NRIP2: variants seen among roughly 807,000 people sequenced by gnomAD.
The protein encoded by NRIP2 is nuclear receptor interacting protein 2, also known as nuclear receptor-interacting protein 2.
A neutral mutation model predicts 34.1 loss-of-function variants in NRIP2; 27 were observed. The ratio of observed to expected loss-of-function variants is 0.79; its 90% confidence interval spans 0.58 to 1.09. The LOEUF is 1.09. Among genes scored for constraint, NRIP2 ranks in the 50% least tolerant of loss-of-function variants. The probability of loss-of-function intolerance (pLI) is 0.00; values close to 1 mark genes in which losing one functional copy is unlikely to be tolerated. For synonymous variants in NRIP2, 145 were observed against 146.9 expected, an observed-to-expected ratio of 0.99 and a Z score of 0.09; for missense variants, 385 against 352.6, an observed-to-expected ratio of 1.09 and a Z score of -0.74.
At chr12:2,830,669 G>A in intron 2 of NRIP2, 39 bp downstream of exon 2, 1 of 1,581,800 alleles carries the variant, frequency 6.3e-7, no homozygotes, top group Non-Finnish European at 8.6e-7. Flanking sequence ...AGTGCAGGCA[G>A]GGTTGTTAAT....
At chr12:2,832,478 T>C (rs2098008356) in intron 1 of NRIP2, among the ~76,000 whole-genome samples, 1 of 152,040 alleles carries the variant, frequency 6.6e-6, no homozygotes, top group African/African-American at 2.4e-5. Flanking sequence ...ACTGGATGAC[T>C]GGCTTAACAC....
In NRIP2 at chr12:2,825,791, C is replaced by G. The variant is rs972155701; in HGVS notation, c.*1416G>C. On this transcript the variant is annotated 3_prime_UTR_variant, in exon 6 of 6. Transcript: ENST00000337508. The stretch of plus-strand genomic sequence containing the variant: ...TTTTGTTTGTTTTTGGAGACAGGGT[C>G]TCACTCCTTCACCCAGGCTGGAGTC... The G allele has an allele frequency of 1.3e-5, 2 of 152,336 alleles. No individual in the cohort carries two copies. Among genetic ancestry groups the G allele is most frequent in the Non-Finnish European group, 2.9e-5 (2 of 68,192 alleles). 9.4% of individuals were successfully genotyped at this position (152,336 alleles called of 1,614,324 possible).
At position 2,827,724 on chromosome 12, in the gene NRIP2, T is replaced by C. The variant is rs372033094; in HGVS notation, c.701-47A>G. On this transcript the variant is annotated intron_variant, in intron 4 of 5. Transcript: ENST00000337508. The surrounding 1 kb of genome is among the most constrained non-coding windows in gnomAD (Gnocchi z 4.0). ...AGAAGAGGCTGAGGGTTCCCAGTGG[T>C]CACTGCTGCCCTCCTCTTAGCCGTT... is the stretch of plus-strand genomic sequence containing the variant. 5 of 1,613,000 alleles carry C rather than the reference T, an allele frequency of 3.1e-6. No homozygotes were observed. Among genetic ancestry groups the C allele is most frequent in the Non-Finnish European group, 4.2e-6 (5 of 1,179,964 alleles).
rs757834706 is a variant in NRIP2 at position 2,828,003 on chromosome 12, G to C, written c.623C>G (p.Pro208Arg). ...VLKASAGDLA[P>R]GPPTQVEQLE... ...CTGCTCCACCTGGGTTGGGGGCCCA[G>C]GGGCCAGGTCCCCAGCTGAGGCTTT... is the stretch of plus-strand genomic sequence containing the variant. Residue 208 changes from proline to arginine, a missense_variant, in exon 4 of 6, where the codon CCT (proline) becomes CGT (arginine). Pro to Arg is a moderately radical substitution (Grantham distance 103). Transcript: ENST00000337508. The C allele has an allele frequency of 5.0e-6, 8 of 1,614,062 alleles. No individual in the cohort carries two copies. The highest frequency in any genetic ancestry group is 1.7e-5 in the Admixed American group (1 of 60,008).
chr12:2,830,690 C>T lies in NRIP2; in HGVS notation c.495+18G>A. 2.5e-6 allele frequency: 4 copies of T among 1,599,534 alleles called. No homozygotes were observed. The highest frequency in any genetic ancestry group is 1.3e-5 in the African/African-American group (1 of 74,494). On this transcript the variant is annotated intron_variant, in intron 2 of 5. Transcript: ENST00000337508. The stretch of plus-strand genomic sequence containing the variant: ...GGCAGGGTTGTTAATGAAAGTGTGT[C>T]CCTGGGAGGCCTCTCACCTTGCAGT...
At chr12:2,830,525 C>T (rs1166057594) in intron 2 of NRIP2, 183 bp downstream of exon 2, 13 of 567,888 alleles carry the variant, frequency 2.3e-5, no homozygotes, top group African/African-American at 1.5e-4. Context: ...GGAGTTGCAC[C>T]GAGGAGACAT....
rs772857417 is a variant in NRIP2, at chr12:2,827,225, G to T, written c.828C>A (p.Tyr276Ter). ...ACAGCAGTCACTGGCCAGGCTCTTG[G>T]TACAAAGGCAGGAAGGGTAGCTCTG... Reference protein sequence around the residue: ...PFSELPFLPLYQEPGQ With the variant: ...PFSELPFLPL The change falls in exon 6 of 6, where the codon TAC (tyrosine) becomes TAA (stop). Residue 276 changes from tyrosine (Y) to a stop codon, truncating the protein, a stop_gained. Transcript: ENST00000337508. LOFTEE classifies it high-confidence loss of function. The surrounding 1 kb of genome is among the most constrained non-coding windows in gnomAD (Gnocchi z 4.0). 1 of 1,614,128 alleles carries T rather than the reference G, an allele frequency of 6.2e-7. No individual in the cohort carries two copies.
chr12:2,834,832 A>C lies in NRIP2; in HGVS notation c.152T>G (p.Met51Arg). ...TCTCCTGGCCTCCTGCTTGGTGCTC[A>C]TGGCCCCTGCTGGAGGAGTGGGCCA... is the stretch of plus-strand genomic sequence containing the variant. ...SPWPTPPAGAMSTKQEARRDE... is the reference protein window; with the variant it reads ...SPWPTPPAGARSTKQEARRDE... The change falls in exon 1 of 6, where the codon ATG (methionine) becomes AGG (arginine). Residue 51 changes from methionine to arginine, a missense_variant. Transcript: ENST00000337508. 1 of 1,613,020 alleles carries C rather than the reference A, an allele frequency of 6.2e-7. No individual in the cohort carries two copies. Among genetic ancestry groups the C allele is most frequent in the Non-Finnish European group, 8.5e-7 (1 of 1,179,752 alleles).
At chr12:2,828,254 C>T in intron 3 of NRIP2, 78 bp downstream of exon 3, 1 of 1,311,342 alleles carries the variant, frequency 7.6e-7, no homozygotes, top group Non-Finnish European at 1.1e-6. Flanking sequence ...ACTGTCGTCA[C>T]TATCTAATTT....
chr12:2,832,851 AC>A (rs1184774004), intron 1 of NRIP2, among the ~76,000 whole-genome samples: 2 of 149,460 alleles, frequency 1.3e-5, no homozygotes, highest in African/African-American at 5.0e-5. Flanking sequence ...TTGTTTTTCT[AC>A]CCTTAGATTA....
Position 2,827,169 on chromosome 12 carries a change from G to A in NRIP2, c.*38C>T, listed in dbSNP as rs772293491. Reference sequence around the variant, plus strand: ...TTCCCCACACGCCTCTTCTTCTAAGGCAAGGTCTTTCCCTCTGGGGACTGA... The same window carrying A: ...TTCCCCACACGCCTCTTCTTCTAAGACAAGGTCTTTCCCTCTGGGGACTGA... On this transcript the variant is annotated 3_prime_UTR_variant, in exon 6 of 6. Coordinates refer to ENST00000337508, the MANE Select transcript of NRIP2 (RefSeq NM_031474.3). This position sits in a 1 kb window ranked among gnomAD's most constrained non-coding sequence, Gnocchi z 4.0. 10 of 1,613,634 alleles carry A rather than the reference G, an allele frequency of 6.2e-6. 1 individual carries two copies. The South Asian group carries it at 1.1e-4, about 18-fold the overall frequency.
Position 2,827,552 on chromosome 12 carries a change from T to C in NRIP2, c.753+73A>G. 6.2e-7 allele frequency: 1 copy of C among 1,609,350 alleles called. No homozygotes were observed. The highest frequency in any genetic ancestry group is 8.5e-7 in the Non-Finnish European group (1 of 1,178,218). ...CTAAGTCACTCTCATCAGAACCTGG[T>C]CCAGGTTCCACACCTGTGCCTTCTA... On this transcript the variant is annotated intron_variant, in intron 5 of 5. Coordinates refer to ENST00000337508, the MANE Select transcript of NRIP2 (RefSeq NM_031474.3). The surrounding 1 kb of genome is among the most constrained non-coding windows in gnomAD (Gnocchi z 4.0).
chr12:2,834,774 C>G lies in NRIP2; in HGVS notation c.210G>C (p.Glu70Asp). 1 of 1,613,878 alleles carries G rather than the reference C, an allele frequency of 6.2e-7. No individual in the cohort carries two copies. Among genetic ancestry groups the G allele is most frequent in the South Asian group, 1.1e-5 (1 of 91,076 alleles). ...DEGEARTRGQ[E>D]AQLRDRAHLS... ...GGTGGGCTCGGTCTCGAAGCTGTGC[C>G]TCCTGCCCCCTCGTCCTGGCTTCTC... Residue 70 changes from glutamate to aspartate, a missense_variant, in exon 1 of 6, where the codon GAG becomes GAC. By Grantham distance (45) the Glu-to-Asp change is conservative. Transcript: ENST00000337508.
chr12:2,832,258 C>T (rs771173262), intron 1 of NRIP2, among the ~76,000 whole-genome samples: 6 of 152,064 alleles, frequency 3.9e-5, no homozygotes, highest in Non-Finnish European at 7.4e-5. Flanking sequence ...GACCCCCCAC[C>T]CTACCCCGCA....
Position 2,827,922 on chromosome 12 carries a change from T to C in NRIP2, c.700+4A>G. 1 of 1,613,998 alleles carries C rather than the reference T, an allele frequency of 6.2e-7. No homozygotes were observed. On this transcript the variant is annotated splice_donor_region_variant and intron_variant, in intron 4 of 5. Coordinates refer to ENST00000337508, the MANE Select transcript of NRIP2 (RefSeq NM_031474.3). This position sits in a 1 kb window ranked among gnomAD's most constrained non-coding sequence, Gnocchi z 4.0. ...CCAGGGCTGTTGCAGAAGGGGGGAC[T>C]TACCCACCACCTGTGCCGAGCACAC... is the stretch of plus-strand genomic sequence containing the variant.
In NRIP2 at chr12:2,827,503, A is replaced by C. The variant is rs139676087; in HGVS notation, c.753+122T>G. The C allele has an allele frequency of 3.0e-4, 470 of 1,561,844 alleles. 3 individuals are homozygous for C. The East Asian group carries it at 0.01, about 35-fold the overall frequency. On this transcript the variant is annotated intron_variant, in intron 5 of 5. Coordinates refer to ENST00000337508, the MANE Select transcript of NRIP2 (RefSeq NM_031474.3). This position sits in a 1 kb window ranked among gnomAD's most constrained non-coding sequence, Gnocchi z 4.0. Reference sequence around the variant, plus strand: ...GGTGGTAAGTAAGGAACCTCTAAGGAAGCAAAGGGACAGTTGCCCATCTCT... The same window carrying C: ...GGTGGTAAGTAAGGAACCTCTAAGGCAGCAAAGGGACAGTTGCCCATCTCT...
chr12:2,834,194 C>T (rs1033041695), intron 1 of NRIP2, among the ~76,000 whole-genome samples: 16 of 152,160 alleles, frequency 1.1e-4, no homozygotes, highest in African/African-American at 2.7e-4. Flanking sequence ...TGGAGACCCC[C>T]GATGTTTTGA....
chr12:2,832,321 C>A (rs2098007369), intron 1 of NRIP2, among the ~76,000 whole-genome samples: 1 of 152,024 alleles, frequency 6.6e-6, no homozygotes, highest in African/African-American at 2.4e-5. Flanking sequence ...GTCCACATGA[C>A]CGGGCCGTGC....
At position 2,826,928 on chromosome 12, in the gene NRIP2, G is replaced by T; in HGVS notation, c.*279C>A. ...CCCCATTGTGCTTAGGTTCCTATCT[G>T]TGGTCTTGATTTGGCTTTGCTTTTC... is the stretch of plus-strand genomic sequence containing the variant. On this transcript the variant is annotated 3_prime_UTR_variant, in exon 6 of 6. Coordinates refer to ENST00000337508, the MANE Select transcript of NRIP2 (RefSeq NM_031474.3). The T allele has an allele frequency of 8.1e-7, 1 of 1,227,554 alleles. No homozygotes were observed. The highest frequency in any genetic ancestry group is 1.0e-6 in the Non-Finnish European group (1 of 966,114). The allele number at this position is 1,227,554 out of a possible 1,614,324, so 76.0% of individuals were successfully genotyped here.
Sources: allele counts gnomAD v4.1 joint callset (sites outside exome capture counted in the v4.1 genomes callset), GRCh38; gene constraint gnomAD v4.1.1; non-coding constraint Gnocchi (gnomAD v3.1); transcripts MANE v1.5; gene names NCBI Gene and HGNC (gene_info 2026-07-23, HGNC 2026-07-21).